The following FLT1 variants were observed in gnomAD, a reference collection of about 807,000 sequenced individuals.
FLT1 encodes vascular endothelial growth factor receptor 1.
Under a neutral mutation model 156.3 loss-of-function variants are expected in FLT1, and 49 were observed. That is an observed-to-expected ratio of 0.31 (90% confidence interval 0.25 to 0.40). The LOEUF (loss-of-function observed/expected upper bound fraction) is 0.40. FLT1 is among the 10% of genes least tolerant of loss of function. The probability of loss-of-function intolerance (pLI) is 1.00; values close to 1 mark genes in which losing one functional copy is unlikely to be tolerated. For synonymous variants in FLT1, 594 were observed against 583.8 expected (o/e 1.02, Z -0.25); for missense variants, 1,322 against 1,637.2 (o/e 0.81, Z 3.32).
Position 28,336,696 on chromosome 13 carries a change from T to C in FLT1, c.2488+2472A>G, listed in dbSNP as rs143324347. On this transcript the variant is annotated intron_variant, in intron 17 of 29. Transcript: ENST00000282397. Reference sequence around the variant, plus strand: ...TTGCTGTATTAGGTAATTCTGACTTTTGATTATTTTTCAATAGAAAGATGC... The same window carrying C: ...TTGCTGTATTAGGTAATTCTGACTTCTGATTATTTTTCAATAGAAAGATGC... 2.6e-5 allele frequency among the ~76,000 whole-genome samples: 4 copies of C among 152,268 alleles called. No individual in the cohort carries two copies. The East Asian group carries it at 7.7e-4, about 29-fold the overall frequency.
chr13:28,387,370 AT>A, intron 13 of FLT1: 1 of 1,049,970 alleles, frequency 9.5e-7, no homozygotes, highest in Non-Finnish European at 1.2e-6. Context: ...ATAATAATCT[AT>A]TTTGACATTT....
intron 12 of FLT1, 183 bp downstream of exon 12, chr13:28,396,777 C>T: frequency 1.4e-6 from 1 of 694,392 alleles, no homozygotes; most frequent in Non-Finnish European, 2.6e-6. Flanking sequence ...AGGGAAATAA[C>T]TCCTTACGAG....
At chr13:28,411,546 CAAAA>C (rs71086852) in intron 10 of FLT1, among the ~76,000 whole-genome samples, 80 of 84,744 alleles carry the variant, frequency 9.4e-4, no homozygotes, top group African/African-American at 3.4e-3. Context: ...AACTCCATCT[CAAAA>C]AAAAAAAAAA....
chr13:28,332,552 C>G (rs780213321), intron 18 of FLT1, among the ~76,000 whole-genome samples: 5 of 152,178 alleles, frequency 3.3e-5, no homozygotes, highest in Non-Finnish European at 5.9e-5. Flanking sequence ...GGTTTTGGAG[C>G]AGTGTGCCAA....
At chr13:28,397,107 A>C in intron 11 of FLT1, 39 bp from the exon 12 acceptor site, 1 of 1,205,848 alleles carries the variant, frequency 8.3e-7, no homozygotes, top group East Asian at 2.3e-5. Flanking sequence ...CAACAGGACA[A>C]ATAACTAATT....
chr13:28,351,861 TATATCTTATTAAC>T (rs1872742832), intron 15 of FLT1, among the ~76,000 whole-genome samples: 1 of 152,222 alleles, frequency 6.6e-6, no homozygotes, highest in African/African-American at 2.4e-5. Context: ...TGGAATTTGG[TATATCTTATTAAC>T]AAACGGTAAT....
intron 1 of FLT1, among the ~76,000 whole-genome samples, chr13:28,482,722 C>T (rs1012117850): frequency 2.6e-5 from 4 of 152,102 alleles, no homozygotes; most frequent in African/African-American, 9.7e-5. Context: ...GATTTTACTC[C>T]CTCTAAGAAA....
chr13:28,412,336 T>TTC (rs1418608085), intron 10 of FLT1, among the ~76,000 whole-genome samples: 3,336 of 79,374 alleles, frequency 0.042, 217 homozygotes, highest in East Asian at 0.076. Flanking sequence ...TTTCTTTTCT[T>TTC]TCTTTCTTTC....
At chr13:28,353,797 A>C (rs933004992) in intron 15 of FLT1, among the ~76,000 whole-genome samples, 1 of 152,182 alleles carries the variant, frequency 6.6e-6, no homozygotes, top group Non-Finnish European at 1.5e-5. Context: ...TCGTGCTGGC[A>C]CTAGGTCCAA....
chr13:28,334,331 T>C (rs1240596051), intron 17 of FLT1, among the ~76,000 whole-genome samples: 1 of 152,178 alleles, frequency 6.6e-6, no homozygotes, highest in East Asian at 1.9e-4. Context: ...AGGCCCCACA[T>C]CCTTCAAAGA....
chr13:28,434,907 G>A (rs1458895024), intron 4 of FLT1, among the ~76,000 whole-genome samples: 3 of 152,072 alleles, frequency 2.0e-5, no homozygotes, highest in East Asian at 1.9e-4. Flanking sequence ...AAACCAATTA[G>A]CATTTTTTTT....
chr13:28,348,233 C>A (rs889863157), intron 15 of FLT1, among the ~76,000 whole-genome samples: 8 of 152,212 alleles, frequency 5.3e-5, no homozygotes, highest in Non-Finnish European at 1.2e-4. Flanking sequence ...AGTCTGTCCT[C>A]CACCTCTGCA....
chr13:28,443,892 T>C (rs1050205912), intron 3 of FLT1, among the ~76,000 whole-genome samples: 1 of 152,160 alleles, frequency 6.6e-6, no homozygotes, highest in Non-Finnish European at 1.5e-5. Flanking sequence ...CACAAGAAAG[T>C]TGGAGTAGTT....
rs141893692 is a variant in FLT1 at position 28,443,211 on chromosome 13, G to A, written c.389-4866C>T. Among the ~76,000 whole-genome samples, 977 of 152,320 alleles carry A rather than the reference G, an allele frequency of 6.4e-3. 14 individuals carry two copies. The highest frequency in any genetic ancestry group is 0.023 in the African/African-American group (936 of 41,564). ...TTTCTCACCCACTGGGAGTATCTGG[G>A]CTGTCACCTATCCTTCAGGACAACA... On this transcript the variant is annotated intron_variant, in intron 3 of 29. Transcript: ENST00000282397.
intron 1 of FLT1, among the ~76,000 whole-genome samples, chr13:28,485,454 A>T (rs1042733027): frequency 1.3e-4 from 20 of 152,002 alleles, no homozygotes; most frequent in Admixed American, 1.3e-4. Context: ...TTTATTTTTT[A>T]TTTATTTATT....
chr13:28,405,729 A>G, intron 11 of FLT1, 51 bp downstream of exon 11: 1 of 1,000,288 alleles, frequency 1.0e-6, no homozygotes, highest in Non-Finnish European at 1.6e-6. Flanking sequence ...TTGGGAGCTG[A>G]GAGTGTATTT....
intron 14 of FLT1, among the ~76,000 whole-genome samples, chr13:28,383,932 T>C (rs759307664): frequency 1.3e-5 from 2 of 152,226 alleles, no homozygotes; most frequent in Non-Finnish European, 2.9e-5. Context: ...CCATTTTATA[T>C]AAGGAACTTG....
At position 28,375,041 on chromosome 13, in the gene FLT1, G is replaced by A. The variant is rs1321234988; in HGVS notation, c.2116+9844C>T. Among the ~76,000 whole-genome samples, 9 of 152,318 alleles carry A rather than the reference G, an allele frequency of 5.9e-5. No individual in the cohort carries two copies. The South Asian group carries it at 1.7e-3, about 28-fold the overall frequency. On this transcript the variant is annotated intron_variant, in intron 14 of 29. Coordinates refer to ENST00000282397, the MANE Select transcript of FLT1 (RefSeq NM_002019.4). ...TCAGGAGGCTTTTCTGGGCTGAATA[G>A]AGATGAGGATGTTATGCTGTAAAAT... is the stretch of plus-strand genomic sequence containing the variant.
chr13:28,368,667 G>T, intron 14 of FLT1: 1 of 894,408 alleles, frequency 1.1e-6, no homozygotes, highest in Non-Finnish European at 1.8e-6. Context: ...TACAGTTCTA[G>T]GTACACAGTA....
Sources: allele counts gnomAD v4.1 joint callset (sites outside exome capture counted in the v4.1 genomes callset), GRCh38; gene constraint gnomAD v4.1.1; transcripts MANE v1.5; gene names NCBI Gene and HGNC (gene_info 2026-07-23, HGNC 2026-07-21).